VPS13B: variants seen among roughly 807,000 people sequenced by gnomAD.
The protein encoded by VPS13B is vacuolar protein sorting 13 homolog B.
In VPS13B, 285 loss-of-function variants were observed where a neutral mutation model predicts 426.4. That is an observed-to-expected ratio of 0.67 (90% confidence interval 0.61 to 0.74). VPS13B has a LOEUF of 0.74. VPS13B is among the 30% of genes least tolerant of loss of function. The probability of loss-of-function intolerance (pLI) is 0.00; values close to 1 mark genes in which losing one functional copy is unlikely to be tolerated. For missense variants in VPS13B, 4,537 were observed against 4,782.6 expected (o/e 0.95, Z 1.51); for synonymous variants, 1,676 against 1,676.4 (o/e 1.00, Z 0.01).
chr8:99,039,985 A>G (rs1334171251), intron 3 of VPS13B, among the ~76,000 whole-genome samples: 1 of 152,134 alleles, frequency 6.6e-6, no homozygotes, highest in Non-Finnish European at 1.5e-5. Flanking sequence ...ATAGTTGGTA[A>G]TACTTAAATG....
intron 24 of VPS13B, among the ~76,000 whole-genome samples, chr8:99,473,143 C>T (rs760845995): frequency 6.6e-6 from 1 of 151,890 alleles, no homozygotes; most frequent in Non-Finnish European, 1.5e-5. Flanking sequence ...CATCCCTGCC[C>T]AACTGGTTTT....
At chr8:99,321,210 CTTTTTTTT>C (rs58817658) in intron 19 of VPS13B, among the ~76,000 whole-genome samples, 5 of 93,994 alleles carry the variant, frequency 5.3e-5, no homozygotes, top group Non-Finnish European at 8.7e-5. Flanking sequence ...TTTTCTTTTT[CTTTTTTTT>C]TTTTTTTTTT....
At chr8:99,277,838 T>C (rs180672168) in intron 19 of VPS13B, among the ~76,000 whole-genome samples, 1 of 152,312 alleles carries the variant, frequency 6.6e-6, no homozygotes, top group African/African-American at 2.4e-5. Flanking sequence ...GTTCCCAGCA[T>C]CTAGACCAAT....
intron 19 of VPS13B, among the ~76,000 whole-genome samples, chr8:99,285,316 G>T (rs918960620): frequency 9.2e-5 from 14 of 152,248 alleles, no homozygotes; most frequent in African/African-American, 3.4e-4. Context: ...ATGCCAGAGG[G>T]AGAAATCCCT....
chr8:99,275,045 T>TCTTGATTAGTCAAGCTCAAAC lies in VPS13B; in HGVS notation c.2651-36_2651-35insCTTGATTAGTCAAGCTCAAAC, dbSNP rs753070759. 2.1e-4 allele frequency: 323 copies of TCTTGATTAGTCAAGCTCAAAC among 1,524,022 alleles called. 1 individual carries two copies. In the African/African-American group the frequency reaches 4.3e-3, roughly 20 times the overall value. 94.4% of individuals were successfully genotyped at this position (1,524,022 alleles called of 1,614,324 possible). A position where few individuals can be genotyped will look rare whatever the true frequency, so the allele number is the denominator to read the frequency against. On this transcript the variant is annotated intron_variant, in intron 18 of 61. Coordinates refer to ENST00000357162, the MANE Select transcript of VPS13B (RefSeq NM_152564.5). The stretch of plus-strand genomic sequence containing the variant: ...AAACATTCTCAAGTGACTCATGTTT[T>TCTTGATTAGTCAAGCTCAAAC]ATTTTTATTATTGTTTTATAAATAT...
rs530777622 is a variant in VPS13B, at chr8:99,748,077, T to C, written c.7051-18697T>C. 2.0e-5 allele frequency among the ~76,000 whole-genome samples: 3 copies of C among 152,228 alleles called. No homozygotes were observed. The East Asian group carries it at 5.8e-4, about 29-fold the overall frequency. ...AATCTCAAGAGAAAAATTTGCCACCTATAACCTGTAATGTATCCCCTAAAT... is the reference window on the plus strand; with the variant it reads ...AATCTCAAGAGAAAAATTTGCCACCCATAACCTGTAATGTATCCCCTAAAT... On this transcript the variant is annotated intron_variant, in intron 39 of 61. Transcript: ENST00000357162.
chr8:99,603,452 A>G (rs1827418957), intron 33 of VPS13B, among the ~76,000 whole-genome samples: 1 of 152,252 alleles, frequency 6.6e-6, no homozygotes, highest in Non-Finnish European at 1.5e-5. Flanking sequence ...AACAATTATA[A>G]CAATGAGCCA....
intron 30 of VPS13B, 147 bp from the exon 31 acceptor site, chr8:99,556,303 T>G (rs1232060910): frequency 2.4e-6 from 2 of 827,348 alleles, no homozygotes; most frequent in Non-Finnish European, 3.8e-6. Flanking sequence ...TTCTGAAACC[T>G]TTTTCATAGA....
chr8:99,552,200 T>G (rs1444989443), intron 30 of VPS13B, among the ~76,000 whole-genome samples: 1 of 152,050 alleles, frequency 6.6e-6, no homozygotes, highest in Non-Finnish European at 1.5e-5. Flanking sequence ...CTTTTTAAAG[T>G]CTTGTTCCCT....
In VPS13B at chr8:99,815,756, G is replaced by A. The variant is rs147356962; in HGVS notation, c.8098-1784G>A. Reference sequence around the variant, plus strand: ...CATGGTGAATATTCATATTACAGAAGGATTTGCTTTGTGAAAGAATTCACC... The same window carrying A: ...CATGGTGAATATTCATATTACAGAAAGATTTGCTTTGTGAAAGAATTCACC... On this transcript the variant is annotated intron_variant, in intron 44 of 61. Transcript: ENST00000357162. Among the ~76,000 whole-genome samples the A allele has an allele frequency of 4.6e-5, 7 of 152,270 alleles. No individual in the cohort carries two copies. The East Asian group carries it at 1.3e-3, about 29-fold the overall frequency.
chr8:99,079,334 T>C (rs2055014640), intron 3 of VPS13B, among the ~76,000 whole-genome samples: 1 of 151,964 alleles, frequency 6.6e-6, no homozygotes, highest in African/African-American at 2.4e-5. Flanking sequence ...GCAGATCAAT[T>C]CCCAGGCCTC....
chr8:99,498,857 C>A (rs796078599), intron 25 of VPS13B, among the ~76,000 whole-genome samples: 5 of 152,202 alleles, frequency 3.3e-5, no homozygotes, highest in African/African-American at 1.2e-4. Context: ...GTAGTTGAGA[C>A]CACAGCAGGC....
At chr8:99,310,553 T>G (rs542637050) in intron 19 of VPS13B, among the ~76,000 whole-genome samples, 22 of 152,272 alleles carry the variant, frequency 1.4e-4, no homozygotes, top group Admixed American at 3.9e-4. Flanking sequence ...GATCATGGTG[T>G]ATAAGCTTTT....
chr8:99,367,843 A>G (rs947037291), intron 19 of VPS13B, among the ~76,000 whole-genome samples: 1 of 152,048 alleles, frequency 6.6e-6, no homozygotes, highest in South Asian at 2.1e-4. Flanking sequence ...TAGTAGAGAC[A>G]GGGTTTCGCC....
chr8:99,197,007 AATCTATTAGTAGTTTTGATCACGAG>A (rs1354501457), intron 17 of VPS13B, among the ~76,000 whole-genome samples: 1 of 152,108 alleles, frequency 6.6e-6, no homozygotes, highest in Non-Finnish European at 1.5e-5. Flanking sequence ...TTCTATACCT[AATCTATTAGTAGTTTTGATCACGAG>A]AGGCTGTTGA....
At chr8:99,721,162 T>A in intron 39 of VPS13B, 115 bp downstream of exon 39, 1 of 1,086,670 alleles carries the variant, frequency 9.2e-7, no homozygotes, top group Non-Finnish European at 1.4e-6. Context: ...CAGAGAGAAA[T>A]ACACATCTGT....
At chr8:99,563,949 T>G (rs1458270206) in intron 31 of VPS13B, among the ~76,000 whole-genome samples, 1 of 152,218 alleles carries the variant, frequency 6.6e-6, no homozygotes, top group Non-Finnish European at 1.5e-5. Context: ...ATAGGTAATA[T>G]AGATGAAATT....
chr8:99,234,468 G>C, intron 17 of VPS13B: 1 of 573,990 alleles, frequency 1.7e-6, no homozygotes, highest in Admixed American at 2.0e-5. Context: ...CCTTGGCCTC[G>C]CCGCCGCCCC....
At chr8:99,487,233 G>A (rs1437022926) in intron 25 of VPS13B, among the ~76,000 whole-genome samples, 1 of 151,992 alleles carries the variant, frequency 6.6e-6, no homozygotes, top group African/African-American at 2.4e-5. Context: ...AAGATATGTA[G>A]CACTTTTCGG....
Sources: gnomAD v4.1 joint callset for allele counts (sites outside exome capture counted in the v4.1 genomes callset) on GRCh38, gnomAD v4.1.1 for gene constraint, MANE v1.5 for transcripts, NCBI Gene and HGNC (gene_info 2026-07-23, HGNC 2026-07-21) for gene names.